The following CSMD1 variants were observed in gnomAD, a reference collection of about 807,000 sequenced individuals.
CSMD1 encodes CUB and Sushi multiple domains 1.
Under a neutral mutation model 417.5 loss-of-function variants are expected in CSMD1, and 213 were observed. That is an observed-to-expected ratio of 0.51 (90% CI 0.46 to 0.57). The LOEUF is 0.57. Ranked by LOEUF, CSMD1 falls within the 20% of genes least tolerant of loss-of-function variation. The probability of loss-of-function intolerance (pLI) is 0.00; values close to 1 mark genes in which losing one functional copy is unlikely to be tolerated. For missense variants in CSMD1, 6,923 were observed against 4,529.7 expected, an observed-to-expected ratio of 1.53 and a Z score of -15.17; for synonymous variants, 2,862 against 1,736.8, an observed-to-expected ratio of 1.65 and a Z score of -16.11.
intron 7 of CSMD1, among the ~76,000 whole-genome samples, chr8:3,697,945 A>G (rs1243646698): frequency 6.6e-6 from 1 of 152,214 alleles, no homozygotes; most frequent in Non-Finnish European, 1.5e-5. Flanking sequence ...TTGTATGCTG[A>G]AACCACTTGA....
chr8:3,030,760 C>T (rs1810291557), intron 50 of CSMD1, among the ~76,000 whole-genome samples: 3 of 152,104 alleles, frequency 2.0e-5, no homozygotes, highest in African/African-American at 7.2e-5. Context: ...GCTGGGATTA[C>T]AGGAATCAGC....
intron 3 of CSMD1, among the ~76,000 whole-genome samples, chr8:4,247,758 G>A (rs566606006): frequency 7.2e-5 from 11 of 152,246 alleles, no homozygotes; most frequent in African/African-American, 2.6e-4. Flanking sequence ...TGATTTGGAA[G>A]CCTACAACTT....
intron 21 of CSMD1, among the ~76,000 whole-genome samples, chr8:3,350,138 C>T (rs1334550157): frequency 2.1e-5 from 2 of 96,652 alleles, no homozygotes. Flanking sequence ...CCTATAATAA[C>T]CTATAATAAC....
chr8:4,552,402 A>C (rs1230013488), intron 2 of CSMD1, among the ~76,000 whole-genome samples: 3 of 152,096 alleles, frequency 2.0e-5, no homozygotes, highest in African/African-American at 7.2e-5. Flanking sequence ...TCCTGTCTCA[A>C]AGACTTGCAT....
chr8:4,516,949 C>G (rs1048348541), intron 2 of CSMD1, among the ~76,000 whole-genome samples: 23 of 151,942 alleles, frequency 1.5e-4, no homozygotes, highest in African/African-American at 5.3e-4. Context: ...ATTTCATGTG[C>G]TATTACTTTT....
intron 16 of CSMD1, among the ~76,000 whole-genome samples, chr8:3,397,381 C>A (rs1410869887): frequency 1.3e-5 from 2 of 152,166 alleles, no homozygotes; most frequent in Non-Finnish European, 2.9e-5. Context: ...GATGTTGAAA[C>A]CAAAGGGCTG....
chr8:3,205,355 T>C (rs1194875055), intron 31 of CSMD1, 149 bp downstream of exon 31: 15 of 557,602 alleles, frequency 2.7e-5, no homozygotes, highest in African/African-American at 2.5e-4. Flanking sequence ...GTGCAGGATA[T>C]GTTTGGAAGG....
chr8:4,819,336 T>C (rs1033823271), intron 1 of CSMD1, among the ~76,000 whole-genome samples: 3 of 152,170 alleles, frequency 2.0e-5, no homozygotes, highest in African/African-American at 7.2e-5. Flanking sequence ...CATATTCACA[T>C]AGGGAATATG....
chr8:4,770,149 T>A (rs564724977), intron 1 of CSMD1, among the ~76,000 whole-genome samples: 1 of 151,066 alleles, frequency 6.6e-6, no homozygotes, highest in African/African-American at 2.4e-5. Context: ...AGAAGCAACA[T>A]ACAGATTCAA....
intron 1 of CSMD1, among the ~76,000 whole-genome samples, chr8:4,686,545 G>A (rs1298086289): frequency 6.6e-6 from 1 of 152,200 alleles, no homozygotes; most frequent in African/African-American, 2.4e-5. Flanking sequence ...AACAGCCCCT[G>A]CTACATCCCT....
intron 3 of CSMD1, among the ~76,000 whole-genome samples, chr8:4,154,362 AT>A (rs1796719269): frequency 1.3e-5 from 2 of 152,356 alleles, no homozygotes; most frequent in South Asian, 4.1e-4. Context: ...GCAAATGTCC[AT>A]GTTTTGTGAC....
intron 29 of CSMD1, 27 bp from the exon 30 acceptor site, chr8:3,214,718 A>G: frequency 2.0e-6 from 3 of 1,520,698 alleles, no homozygotes; most frequent in Non-Finnish European, 2.7e-6. Context: ...TGTAAACTGC[A>G]TGAGAGCAGG....
intron 11 of CSMD1, among the ~76,000 whole-genome samples, chr8:3,474,992 C>T (rs1378782254): frequency 1.3e-5 from 2 of 152,156 alleles, no homozygotes; most frequent in Non-Finnish European, 2.9e-5. Context: ...GTGTAAAACT[C>T]TGTCATCTCC....
intron 11 of CSMD1, among the ~76,000 whole-genome samples, chr8:3,480,905 C>G (rs1160497267): frequency 6.6e-6 from 1 of 151,630 alleles, no homozygotes; most frequent in Non-Finnish European, 1.5e-5. Flanking sequence ...GCCTGTAATC[C>G]CAGCACTTTG....
rs1030014271 is a variant in CSMD1, at chr8:4,374,920, C to G, written c.415+45033G>C. Among the ~76,000 whole-genome samples, 168 of 121,878 alleles carry G rather than the reference C, an allele frequency of 1.4e-3. 2 individuals are homozygous for G. The highest frequency in any genetic ancestry group is 5.3e-3 in the African/African-American group (161 of 30,236). 80.0% of individuals were successfully genotyped at this position (121,878 alleles called of 152,430 possible). A position where few individuals can be genotyped will look rare whatever the true frequency, so the allele number is the denominator to read the frequency against. On this transcript the variant is annotated intron_variant, in intron 3 of 69. Coordinates refer to ENST00000635120, the MANE Select transcript of CSMD1 (RefSeq NM_033225.6). ...CAATGATCTGTTCCAGGTTTCTAAT[C>G]AGAGTCTTAGAAAACAATGATTAAA...
chr8:3,235,916 G>T lies in CSMD1; in HGVS notation c.4154-5685C>A, dbSNP rs867578281. Among the ~76,000 whole-genome samples, 26 of 119,336 alleles carry T rather than the reference G, an allele frequency of 2.2e-4. 1 individual carries two copies. The highest frequency in any genetic ancestry group is 5.4e-4 in the South Asian group (2 of 3,694). The allele number at this position is 119,336 out of a possible 152,430, so 78.3% of individuals were successfully genotyped here. A position where few individuals can be genotyped will look rare whatever the true frequency, so the allele number is the denominator to read the frequency against. Reference sequence around the variant, plus strand: ...TTATGCCAGTTATATGAAGATGTAAGTTTTTTTTTTTTTTTTTTTGAGACA... The same window carrying T: ...TTATGCCAGTTATATGAAGATGTAATTTTTTTTTTTTTTTTTTTTGAGACA... On this transcript the variant is annotated intron_variant, in intron 26 of 69. Coordinates refer to ENST00000635120, the MANE Select transcript of CSMD1 (RefSeq NM_033225.6).
At chr8:4,812,409 G>C (rs775528065) in intron 1 of CSMD1, among the ~76,000 whole-genome samples, 1 of 152,292 alleles carries the variant, frequency 6.6e-6, no homozygotes, top group East Asian at 1.9e-4. Flanking sequence ...GCACAGAGTA[G>C]TGACTTTGTC....
chr8:3,355,495 A>G (rs1202853138), intron 21 of CSMD1, among the ~76,000 whole-genome samples: 1 of 152,216 alleles, frequency 6.6e-6, no homozygotes, highest in Non-Finnish European at 1.5e-5. Context: ...TGCCCTGGCC[A>G]CAATGACTGC....
intron 5 of CSMD1, among the ~76,000 whole-genome samples, chr8:3,934,808 C>T (rs887743869): frequency 6.6e-6 from 1 of 152,110 alleles, no homozygotes; most frequent in Non-Finnish European, 1.5e-5. Flanking sequence ...AATCACGCCA[C>T]TGCACTCCAG....
Sources: gnomAD v4.1 joint callset for allele counts (sites outside exome capture counted in the v4.1 genomes callset) on GRCh38, gnomAD v4.1.1 for gene constraint, MANE v1.5 for transcripts, NCBI Gene and HGNC (gene_info 2026-07-23, HGNC 2026-07-21) for gene names.